ANXA8: variants seen among roughly 807,000 people sequenced by gnomAD.
ANXA8 encodes VAC-beta.
ANXA8 carries 9 observed loss-of-function variants against 26.8 expected under a neutral mutation model. The observed-to-expected ratio is 0.34, with a 90% CI of 0.20 to 0.59. The LOEUF (loss-of-function observed/expected upper bound fraction) is 0.59. ANXA8 is among the 20% of genes least tolerant of loss of function. The pLI, the probability that ANXA8 is intolerant of heterozygous loss-of-function variation, is 0.84. For missense variants in ANXA8, 83 were observed against 238.5 expected, an observed-to-expected ratio of 0.35 and a Z score of 4.29; for synonymous variants, 39 against 94.8, an observed-to-expected ratio of 0.41 and a Z score of 3.42.
At chr10:47,696,803 C>A in the ANXA8 span, among the ~76,000 whole-genome samples, 1 of 149,276 alleles carries the variant, frequency 6.7e-6, no homozygotes, top group Admixed American at 6.7e-5. Flanking sequence ...AATCTATAGA[C>A]CATTTCTCCA....
At chr10:47,475,034 C>G in intron 6 of ANXA8, 30 bp from the exon 7 acceptor site, 1 of 1,533,604 alleles carries the variant, frequency 6.5e-7, no homozygotes, top group Non-Finnish European at 8.8e-7. Context: ...CTCTGTAAGG[C>G]AGGCCAGCTG....
the ANXA8 span, among the ~76,000 whole-genome samples, chr10:47,606,468 AGTG>A: frequency 6.8e-6 from 1 of 146,056 alleles, no homozygotes. Context: ...AATGCCCATC[AGTG>A]GTCTGCTGGA....
At chr10:47,971,054 C>T in the ANXA8 span, among the ~76,000 whole-genome samples, 1 of 151,452 alleles carries the variant, frequency 6.6e-6, no homozygotes, top group Admixed American at 6.6e-5. Context: ...AGCCAAGTTA[C>T]TTGCCCTCTC....
At chr10:47,916,284 C>T in the ANXA8 span, among the ~76,000 whole-genome samples, 1 of 130,128 alleles carries the variant, frequency 7.7e-6, no homozygotes, top group Middle Eastern at 3.9e-3. Flanking sequence ...GCTCCCAGTT[C>T]TTTCTTACAG....
the ANXA8 span, among the ~76,000 whole-genome samples, chr10:47,559,412 G>A: frequency 6.6e-6 from 1 of 151,762 alleles, no homozygotes; most frequent in African/African-American, 2.4e-5. Context: ...ATAGGCGTGA[G>A]CCACCACATC....
chr10:47,617,783 C>T, the ANXA8 span, among the ~76,000 whole-genome samples: 1 of 145,636 alleles, frequency 6.9e-6, no homozygotes, highest in Non-Finnish European at 1.5e-5. Flanking sequence ...AATGCAAATG[C>T]CAGTTTTTGA....
At chr10:47,606,079 C>T in the ANXA8 span, among the ~76,000 whole-genome samples, 2 of 146,280 alleles carry the variant, frequency 1.4e-5, no homozygotes, top group East Asian at 2.0e-4. Context: ...TAAGCAAGAA[C>T]TCTCAGTTAT....
the ANXA8 span, among the ~76,000 whole-genome samples, chr10:47,637,877 CATTA>C: frequency 7.6e-6 from 1 of 132,252 alleles, no homozygotes; most frequent in Admixed American, 7.5e-5. Context: ...ACACTTACCA[CATTA>C]ATTATTTGAA....
At chr10:47,563,516 T>C in the ANXA8 span, 1 of 702,352 alleles carries the variant, frequency 1.4e-6, no homozygotes, top group Non-Finnish European at 2.6e-6. Flanking sequence ...ATTTGTAGCT[T>C]TCTTTTTTGA....
chr10:47,604,828 G>GTTTTTTT, the ANXA8 span, among the ~76,000 whole-genome samples: 2 of 152,262 alleles, frequency 1.3e-5, no homozygotes, highest in Non-Finnish European at 2.9e-5. Context: ...AGAGGGGACA[G>GTTTTTTT]TTTTTGTTTA....
At chr10:47,555,453 C>A in the ANXA8 span, among the ~76,000 whole-genome samples, 1 of 151,720 alleles carries the variant, frequency 6.6e-6, no homozygotes, top group Admixed American at 6.6e-5. Context: ...CCTGGTTACT[C>A]CACTTCCCTG....
At chr10:47,493,436 C>A in the ANXA8 span, among the ~76,000 whole-genome samples, 1 of 149,396 alleles carries the variant, frequency 6.7e-6, no homozygotes, top group Non-Finnish European at 1.5e-5. Context: ...TCTCCCTGGA[C>A]CTGTCAAAGC....
chr10:47,523,288 C>G, the ANXA8 span: 1 of 1,573,176 alleles, frequency 6.4e-7, no homozygotes, highest in African/African-American at 1.4e-5. Flanking sequence ...GTAGATGGCA[C>G]CTATCACCTC....
the ANXA8 span, among the ~76,000 whole-genome samples, chr10:47,639,202 C>T: frequency 1.5e-4 from 22 of 148,658 alleles, no homozygotes; most frequent in Admixed American, 6.0e-4. Context: ...GCTATCTCTC[C>T]GCTCACTGCA....
intron 11 of ANXA8, among the ~76,000 whole-genome samples, chr10:47,470,481 G>T (rs1433461971): frequency 1.6e-5 from 2 of 122,014 alleles, no homozygotes; most frequent in Non-Finnish European, 3.3e-5. Context: ...GGAGCCTCAA[G>T]TGAAACCAAG....
chr10:47,620,138 CA>C, the ANXA8 span, among the ~76,000 whole-genome samples: 5 of 112,066 alleles, frequency 4.5e-5, no homozygotes, highest in Non-Finnish European at 9.9e-5. Context: ...ATTCTTTTTA[CA>C]GCAACTTCTG....
the ANXA8 span, among the ~76,000 whole-genome samples, chr10:47,682,010 A>C: frequency 6.7e-6 from 1 of 149,920 alleles, no homozygotes; most frequent in Non-Finnish European, 1.5e-5. Flanking sequence ...CCATTGTCTC[A>C]TAGCTTCATT....
At chr10:47,701,028 G>A in the ANXA8 span, among the ~76,000 whole-genome samples, 2 of 150,900 alleles carry the variant, frequency 1.3e-5, no homozygotes, top group African/African-American at 4.9e-5. Context: ...GCTGCAGTGA[G>A]CTGTATTCAT....
At chr10:47,537,641 T>A in the ANXA8 span, among the ~76,000 whole-genome samples, 1 of 136,290 alleles carries the variant, frequency 7.3e-6, no homozygotes, top group Non-Finnish European at 1.6e-5. Flanking sequence ...ATTAGCAGGG[T>A]ACAACCACGA....
Sources: gnomAD v4.1 joint callset for allele counts (sites outside exome capture counted in the v4.1 genomes callset) on GRCh38, gnomAD v4.1.1 for gene constraint, MANE v1.5 for transcripts, NCBI Gene and HGNC (gene_info 2026-07-23, HGNC 2026-07-21) for gene names.